Variants in GNL3 observed in about 807,000 individuals in gnomAD.
GNL3 encodes G protein nucleolar 3, also known as guanine nucleotide-binding protein-like 3.
A neutral mutation model predicts 70.6 loss-of-function variants in GNL3; 77 were observed. The observed-to-expected ratio is 1.09, with a 90% CI of 0.91 to 1.32. The LOEUF (loss-of-function observed/expected upper bound fraction) is 1.32, where lower values mean the gene tolerates loss of function less well. Ranked by LOEUF, GNL3 falls within the 40% of genes most tolerant of loss-of-function variation. The pLI is 0.00. For synonymous variants in GNL3, 252 were observed against 216.1 expected, an observed-to-expected ratio of 1.17 and a Z score of -1.46; for missense variants, 634 against 644.0, an observed-to-expected ratio of 0.98 and a Z score of 0.17.
chr3:52,687,706 C>T (rs1034039555), intron 4 of GNL3, 91 bp downstream of exon 4: 16 of 735,186 alleles, frequency 2.2e-5, no homozygotes, highest in Non-Finnish European at 3.5e-5. Context: ...AATCACAACT[C>T]ACTGCAACCT....
At chr3:52,692,533 TCTCAAAC>T (rs2097328275) in intron 9 of GNL3, among the ~76,000 whole-genome samples, 1 of 151,572 alleles carries the variant, frequency 6.6e-6, no homozygotes, top group Non-Finnish European at 1.5e-5. Flanking sequence ...GCCAGGCTGG[TCTCAAAC>T]TCCTGACCTC....
intron 6 of GNL3, 75 bp downstream of exon 6, chr3:52,689,281 G>T: frequency 7.5e-7 from 1 of 1,329,114 alleles, no homozygotes; most frequent in Non-Finnish European, 1.1e-6. Context: ...AGTCACTGAA[G>T]ACTGATTAGA....
chr3:52,690,893 T>C, intron 7 of GNL3, 52 bp from the exon 8 acceptor site: 1 of 1,596,862 alleles, frequency 6.3e-7, no homozygotes, highest in Non-Finnish European at 8.6e-7. Flanking sequence ...TTGGGGTTTG[T>C]TGAAATTTAT....
intron 6 of GNL3, among the ~76,000 whole-genome samples, chr3:52,689,496 A>T (rs952611420): frequency 1.3e-5 from 2 of 152,220 alleles, no homozygotes; most frequent in African/African-American, 4.8e-5. Context: ...AAGTGATGAC[A>T]GTGTGACAAA....
intron 5 of GNL3, 152 bp from the exon 6 acceptor site, chr3:52,688,922 A>T (rs1274633272): frequency 1.5e-6 from 1 of 667,144 alleles, no homozygotes; most frequent in Non-Finnish European, 2.7e-6. Flanking sequence ...TCTTCATACC[A>T]AAGTGAAGAC....
Position 52,691,021 on chromosome 3 carries a change from T to C in GNL3, c.731T>C (p.Leu244Pro). 6.2e-7 allele frequency: 1 copy of C among 1,613,844 alleles called. No homozygotes were observed. Among genetic ancestry groups the C allele is most frequent in the Non-Finnish European group, 8.5e-7 (1 of 1,179,726 alleles). The change falls in exon 8 of 15, where the codon CTT (leucine) becomes CCT (proline). Residue 244 changes from leucine to proline, a missense_variant. Coordinates refer to ENST00000418458, the MANE Select transcript of GNL3 (RefSeq NM_014366.5). ...GGGAAAGAGGGCCTTTGGAAACTTCTTGGAGGTTTTCAGGAAACTTGCAGC... is the reference window on the plus strand; with the variant it reads ...GGGAAAGAGGGCCTTTGGAAACTTCCTGGAGGTTTTCAGGAAACTTGCAGC... ...CFGKEGLWKLLGGFQETCSKA... is the reference protein window; with the variant it reads ...CFGKEGLWKLPGGFQETCSKA...
rs2097324992 is a variant in GNL3, at chr3:52,689,205, A to C, written c.540A>C (p.Ser180=). 1.2e-6 allele frequency: 2 copies of C among 1,612,866 alleles called. No homozygotes were observed. Among genetic ancestry groups the C allele is most frequent in the Non-Finnish European group, 1.7e-6 (2 of 1,178,856 alleles). Residue 180 remains serine, a splice_region_variant and synonymous_variant, in exon 6 of 15, where the codon TCA becomes TCC. Transcript: ENST00000418458. ...AGCTGGTACTTATATTAAATAAATC[A>C]GGTGAGTAAAGAGGGTACCCTTTGT... is the stretch of plus-strand genomic sequence containing the variant. The part of the protein sequence containing the change: ...QKKLVLILNK[S]DLVPKENLES...
intron 2 of GNL3, 72 bp from the exon 3 acceptor site, chr3:52,687,174 G>A: frequency 7.8e-7 from 1 of 1,284,838 alleles, no homozygotes; most frequent in Non-Finnish European, 1.1e-6. Context: ...CAGCCAGATT[G>A]GTTTCTCACT....
In GNL3 at chr3:52,694,122, G is replaced by A; in HGVS notation, c.1567+19G>A. ...ACAGCAGGTGAGGCAGGCAAAAGGG[G>A]TTCTAACGAAGCAGCATGGTATAGA... On this transcript the variant is annotated intron_variant, in intron 14 of 14. Transcript: ENST00000418458. 6.2e-7 allele frequency: 1 copy of A among 1,603,016 alleles called. No homozygotes were observed. Among genetic ancestry groups the A allele is most frequent in the Non-Finnish European group, 8.5e-7 (1 of 1,169,838 alleles).
In GNL3 at chr3:52,694,068, A is replaced by G; in HGVS notation, c.1532A>G (p.Glu511Gly). The G allele has an allele frequency of 6.2e-7, 1 of 1,614,026 alleles. No homozygotes were observed. The highest frequency in any genetic ancestry group is 8.5e-7 in the Non-Finnish European group (1 of 1,179,852). The stretch of plus-strand genomic sequence containing the variant: ...AGCTCAGGCATGTTTGCTGCAGAAG[A>G]GACAGGGGAGGCACTGTCTGAGGAG... ...ENSSGMFAAE[E>G]TGEALSEETT... The change falls in exon 14 of 15, where the codon GAG becomes GGG. Residue 511 changes from glutamate to glycine, a missense_variant. By Grantham distance (98) the Glu-to-Gly change is moderately conservative. Coordinates refer to ENST00000418458, the MANE Select transcript of GNL3 (RefSeq NM_014366.5).
rs1224076060 is a variant in GNL3, at chr3:52,686,041, G to C, written c.-52G>C. ...GCTCGTCAGTGGCTTCAGTTCACAC[G>C]TGGCGCCAGCGGAGGCAGGTTGATG... On this transcript the variant is annotated 5_prime_UTR_variant, in exon 1 of 15. Transcript: ENST00000418458. 1 of 878,290 alleles carries C rather than the reference G, an allele frequency of 1.1e-6. No homozygotes were observed. The highest frequency in any genetic ancestry group is 2.0e-6 in the Non-Finnish European group (1 of 507,490). The allele number at this position is 878,290 out of a possible 1,614,324, so 54.4% of individuals were successfully genotyped here.
intron 9 of GNL3, among the ~76,000 whole-genome samples, chr3:52,692,488 G>A (rs750283871): frequency 2.0e-5 from 3 of 150,662 alleles, no homozygotes. Flanking sequence ...GCTAATTTTT[G>A]TATTTTTAGT....
rs765941218 is a variant in GNL3 at position 52,687,402 on chromosome 3, A to G, written c.210+19A>G. 6.2e-7 allele frequency: 1 copy of G among 1,612,538 alleles called. No individual in the cohort carries two copies. Reference sequence around the variant, plus strand: ...ACAGAGGGTAAGTTATGTTAGCCAGAATTTTCATTGAGTGGTGTAGTGTGT... The same window carrying G: ...ACAGAGGGTAAGTTATGTTAGCCAGGATTTTCATTGAGTGGTGTAGTGTGT... On this transcript the variant is annotated intron_variant, in intron 3 of 14. Coordinates refer to ENST00000418458, the MANE Select transcript of GNL3 (RefSeq NM_014366.5).
chr3:52,688,257 T>G (rs2097324145), intron 5 of GNL3, 65 bp downstream of exon 5: 1 of 919,064 alleles, frequency 1.1e-6, no homozygotes, highest in African/African-American at 1.6e-5. Context: ...GTCATTTTTT[T>G]TTTAACCTTT....
intron 6 of GNL3, among the ~76,000 whole-genome samples, chr3:52,689,675 A>T (rs1400638888): frequency 6.6e-6 from 1 of 152,226 alleles, no homozygotes; most frequent in African/African-American, 2.4e-5. Context: ...ATGAGATCTA[A>T]AATTGTTGTT....
Position 52,693,709 on chromosome 3 carries a change from G to A in GNL3, c.1402G>A (p.Asp468Asn). The A allele has an allele frequency of 6.2e-7, 1 of 1,614,018 alleles. No homozygotes were observed. Among genetic ancestry groups the A allele is most frequent in the Non-Finnish European group, 8.5e-7 (1 of 1,179,886 alleles). The change falls in exon 13 of 15, where the codon GAC becomes AAC. Residue 468 changes from aspartate (D) to asparagine (N), a missense_variant. Physicochemically the swap from Asp to Asn is conservative, Grantham distance 23. Transcript: ENST00000418458. ...GLTNGIIEEK[D>N]IHEELPKRKE... ...GACAAATGGAATAATAGAAGAAAAG[G>A]ACATACATGAAGAATTGCCAAAACG...
At chr3:52,691,190 C>G in intron 8 of GNL3, 119 bp downstream of exon 8, 1 of 828,390 alleles carries the variant, frequency 1.2e-6, no homozygotes, top group Non-Finnish European at 2.0e-6. Flanking sequence ...AAGGCTCACT[C>G]AAATACTAGC....
rs1037530586 is a variant in GNL3 at position 52,686,832 on chromosome 3, G to A, written c.72+5G>A. ...CGGTATAAAATCCAAAAAAAGGTAAGTGTAGTGCTTGAGAGAGCTGTACCA... is the reference window on the plus strand; with the variant it reads ...CGGTATAAAATCCAAAAAAAGGTAAATGTAGTGCTTGAGAGAGCTGTACCA... On this transcript the variant is annotated splice_donor_5th_base_variant and intron_variant, in intron 2 of 14. Transcript: ENST00000418458. The A allele has an allele frequency of 1.2e-6, 2 of 1,602,250 alleles. No homozygotes were observed. Among genetic ancestry groups the A allele is most frequent in the South Asian group, 2.2e-5 (2 of 90,812 alleles).
chr3:52,687,689 G>A, intron 4 of GNL3, 74 bp downstream of exon 4: 1 of 850,236 alleles, frequency 1.2e-6, no homozygotes, highest in Non-Finnish European at 1.9e-6. Context: ...CCTGAGTGCA[G>A]TGGCACAATC....
Sources: allele counts gnomAD v4.1 joint callset (sites outside exome capture counted in the v4.1 genomes callset), GRCh38; gene constraint gnomAD v4.1.1; transcripts MANE v1.5; gene names NCBI Gene and HGNC (gene_info 2026-07-23, HGNC 2026-07-21).